Variants in MAGI2 observed in about 807,000 individuals in gnomAD.
MAGI2 encodes the protein membrane associated guanylate kinase, WW and PDZ domain containing 2, also known as membrane-associated guanylate kinase, WW and PDZ domain-containing protein 2.
In MAGI2, 35 loss-of-function variants were observed where a neutral mutation model predicts 133.3. The ratio of observed to expected loss-of-function variants is 0.26; its 90% CI spans 0.20 to 0.35. MAGI2 has a LOEUF of 0.35. Among genes scored for constraint, MAGI2 ranks in the 10% least tolerant of loss-of-function variants. The pLI is 1.00. For missense variants in MAGI2, 1,636 were observed against 1,863.4 expected (o/e 0.88, Z 2.25); for synonymous variants, 729 against 710.6 (o/e 1.03, Z -0.41).
intron 13 of MAGI2, 92 bp downstream of exon 13, chr7:78,185,537 T>C (rs1217573227): frequency 5.4e-5 from 54 of 1,004,452 alleles, no homozygotes; most frequent in Non-Finnish European, 7.4e-5. Flanking sequence ...AGCGATTATA[T>C]ACTAGGAAAC....
intron 6 of MAGI2, among the ~76,000 whole-genome samples, chr7:78,476,522 A>T (rs955444911): frequency 6.6e-6 from 1 of 152,020 alleles, no homozygotes; most frequent in South Asian, 2.1e-4. Flanking sequence ...AGGGACAAAC[A>T]CAATCAACAC....
intron 3 of MAGI2, among the ~76,000 whole-genome samples, chr7:78,545,374 G>T (rs1418375758): frequency 1.3e-5 from 2 of 151,656 alleles, no homozygotes; most frequent in African/African-American, 4.9e-5. Flanking sequence ...CACCATGCCC[G>T]GCTAATTTTT....
chr7:78,039,408 C>A (rs3807787), intron 21 of MAGI2, among the ~76,000 whole-genome samples: 28,045 of 152,172 alleles, frequency 0.18, 3,408 homozygotes, highest in African/African-American at 0.34. Context: ...TTGGTTTATT[C>A]ATGACAAATC....
intron 6 of MAGI2, among the ~76,000 whole-genome samples, chr7:78,448,299 G>A (rs567373247): frequency 9.2e-5 from 14 of 152,078 alleles, no homozygotes; most frequent in Admixed American, 4.6e-4. Context: ...CCCAGTAGTC[G>A]AATTGCTGGA....
intron 15 of MAGI2, among the ~76,000 whole-genome samples, chr7:78,160,514 G>C (rs1271660733): frequency 2.0e-5 from 3 of 152,190 alleles, no homozygotes; most frequent in African/African-American, 4.8e-5. Flanking sequence ...AGCCTCCTCT[G>C]TGCTGTTACT....
At chr7:79,109,151 A>G (rs1423743531) in intron 1 of MAGI2, among the ~76,000 whole-genome samples, 1 of 152,214 alleles carries the variant, frequency 6.6e-6, no homozygotes, top group African/African-American at 2.4e-5. Flanking sequence ...AGATATTGCT[A>G]TAAAGATACT....
intron 11 of MAGI2, among the ~76,000 whole-genome samples, chr7:78,198,376 C>T (rs1008462554): frequency 1.1e-4 from 17 of 151,546 alleles, no homozygotes; most frequent in African/African-American, 3.6e-4. Flanking sequence ...ATGTACAGTC[C>T]ACACCCAGGC....
At position 78,059,777 on chromosome 7, in the gene MAGI2, A is replaced by ATATATATTT. The variant is rs368179491; in HGVS notation, c.3706+19169_3706+19170insAAATATATA. The stretch of plus-strand genomic sequence containing the variant: ...AACAATGCCATATATATATATATAT[A>ATATATATTT]TTTTTTTTCTGGAGTCCCTACAGCA... On this transcript the variant is annotated intron_variant, in intron 21 of 21. Transcript: ENST00000354212. 4.3e-3 allele frequency among the ~76,000 whole-genome samples: 634 copies of ATATATATTT among 146,114 alleles called. 5 individuals are homozygous for ATATATATTT. The highest frequency in any genetic ancestry group is 0.015 in the African/African-American group (612 of 39,518).
chr7:78,957,588 C>A (rs12705860), intron 2 of MAGI2, among the ~76,000 whole-genome samples: 89,698 of 151,916 alleles, frequency 0.59, 26,806 homozygotes, highest in East Asian at 0.73. Context: ...CAATAATAGA[C>A]CAAAACCTGT....
chr7:78,153,436 G>A (rs374003675), intron 16 of MAGI2, among the ~76,000 whole-genome samples: 5 of 152,278 alleles, frequency 3.3e-5, no homozygotes, highest in Non-Finnish European at 7.4e-5. Context: ...AGCCTCATTC[G>A]TTTTATCTCA....
Position 78,019,247 on chromosome 7 carries a change from C to T in MAGI2, c.*68G>A. On this transcript the variant is annotated 3_prime_UTR_variant, in exon 22 of 22. Transcript: ENST00000354212. Reference sequence around the variant, plus strand: ...GTGTGACAGTGAAAATAAATTAAAACGCCGTGAGACGGAACCTAAGAAGAA... The same window carrying T: ...GTGTGACAGTGAAAATAAATTAAAATGCCGTGAGACGGAACCTAAGAAGAA... 13 of 1,540,580 alleles carry T rather than the reference C, an allele frequency of 8.4e-6. No individual in the cohort carries two copies. Among genetic ancestry groups the T allele is most frequent in the Non-Finnish European group, 1.1e-5 (13 of 1,142,796 alleles).
Position 78,329,140 on chromosome 7 carries a change from A to C in MAGI2, c.1408+14638T>G, listed in dbSNP as rs2151144758. Among the ~76,000 whole-genome samples the C allele has an allele frequency of 2.0e-5, 3 of 152,298 alleles. 1 individual carries two copies. The South Asian group carries it at 6.2e-4, about 32-fold the overall frequency. On this transcript the variant is annotated intron_variant, in intron 9 of 21. Coordinates refer to ENST00000354212, the MANE Select transcript of MAGI2 (RefSeq NM_012301.4). ...TTACCATGTGTACTCTTGTCACTTCATGCAAATCCTCAGCTGGAGCATATG... is the reference window on the plus strand; with the variant it reads ...TTACCATGTGTACTCTTGTCACTTCCTGCAAATCCTCAGCTGGAGCATATG...
At chr7:79,227,337 G>A in intron 1 of MAGI2, among the ~76,000 whole-genome samples, 1 of 152,176 alleles carries the variant, frequency 6.6e-6, no homozygotes, top group Admixed American at 6.5e-5. Flanking sequence ...GCGGAGTGTT[G>A]TTGTCTTACT....
chr7:78,516,004 C>A (rs77735677), intron 4 of MAGI2, among the ~76,000 whole-genome samples: 1 of 152,102 alleles, frequency 6.6e-6, no homozygotes, highest in Non-Finnish European at 1.5e-5. Context: ...TAATACCTTC[C>A]AAACACATGA....
chr7:79,363,595 A>G (rs1311591870), intron 1 of MAGI2, among the ~76,000 whole-genome samples: 1 of 151,590 alleles, frequency 6.6e-6, no homozygotes, highest in African/African-American at 2.4e-5. Context: ...ACCTGAAACT[A>G]TAAAATTGCT....
intron 6 of MAGI2, among the ~76,000 whole-genome samples, chr7:78,483,104 T>C (rs2150466589): frequency 6.6e-6 from 1 of 151,984 alleles, no homozygotes; most frequent in African/African-American, 2.4e-5. Flanking sequence ...TGTATTTATA[T>C]AAGTTAACAT....
chr7:78,162,365 A>G (rs1322808158), intron 15 of MAGI2, among the ~76,000 whole-genome samples: 2 of 151,514 alleles, frequency 1.3e-5, no homozygotes, highest in East Asian at 3.9e-4. Context: ...TACAAAAAAA[A>G]AAAAAAAAAT....
At chr7:79,326,816 T>G (rs965443782) in intron 1 of MAGI2, among the ~76,000 whole-genome samples, 2 of 152,116 alleles carry the variant, frequency 1.3e-5, no homozygotes, top group Non-Finnish European at 2.9e-5. Flanking sequence ...ATGTTCAAGA[T>G]CAGAATGGCA....
intron 1 of MAGI2, among the ~76,000 whole-genome samples, chr7:79,095,301 T>C (rs558962542): frequency 3.3e-5 from 5 of 152,320 alleles, no homozygotes; most frequent in African/African-American, 1.2e-4. Context: ...TCCAGATCAT[T>C]CCAAATTTCT....
Sources: allele counts gnomAD v4.1 joint callset (sites outside exome capture counted in the v4.1 genomes callset), GRCh38; gene constraint gnomAD v4.1.1; transcripts MANE v1.5; gene names NCBI Gene and HGNC (gene_info 2026-07-23, HGNC 2026-07-21).